The following GABPB1 variants were observed in gnomAD, a reference collection of about 807,000 sequenced individuals.
GABPB1 encodes GA binding protein transcription factor subunit beta 1.
In GABPB1, 15 loss-of-function variants were observed where a neutral mutation model predicts 45.9. The ratio of observed to expected loss-of-function variants is 0.33; its 90% CI spans 0.22 to 0.50. GABPB1 has a LOEUF of 0.50. Among genes scored for constraint, GABPB1 ranks in the 20% least tolerant of loss-of-function variants. The pLI, the probability that GABPB1 is intolerant of heterozygous loss-of-function variation, is 0.98. For synonymous variants in GABPB1, 143 were observed against 154.4 expected (o/e 0.93, Z 0.55); for missense variants, 252 against 457.5 (o/e 0.55, Z 4.10).
At position 50,338,017 on chromosome 15, in the gene GABPB1, A is replaced by T. The variant is rs185631341; in HGVS notation, c.-1+16968T>A. Among the ~76,000 whole-genome samples the T allele has an allele frequency of 5.4e-4, 82 of 152,266 alleles. 1 individual carries two copies. The East Asian group carries it at 0.015, about 28-fold the overall frequency. On this transcript the variant is annotated intron_variant, in intron 1 of 8. Transcript: ENST00000380877. ...ATTCAAAAAAAAATTTAAACTCTAA[A>T]TTATATAGCAAAAGCTTAGTTTTTT... is the stretch of plus-strand genomic sequence containing the variant.
chr15:50,287,634 T>C (rs527760495), intron 7 of GABPB1, among the ~76,000 whole-genome samples: 2 of 152,332 alleles, frequency 1.3e-5, no homozygotes, highest in South Asian at 4.1e-4. Context: ...AACACCTTGA[T>C]CTCGCACTTT....
At chr15:50,338,625 C>T (rs1323838689) in intron 1 of GABPB1, among the ~76,000 whole-genome samples, 2 of 152,068 alleles carry the variant, frequency 1.3e-5, no homozygotes, top group Non-Finnish European at 2.9e-5. Context: ...AGGCAAACAC[C>T]ACCATGCCCA....
intron 1 of GABPB1, among the ~76,000 whole-genome samples, chr15:50,342,084 A>G (rs1323112085): frequency 1.3e-5 from 2 of 152,160 alleles, no homozygotes; most frequent in African/African-American, 2.4e-5. Flanking sequence ...ATCCAGCCTA[A>G]GACGTCTTCC....
intron 2 of GABPB1, 44 bp downstream of exon 2, chr15:50,309,647 A>G: frequency 8.1e-7 from 1 of 1,231,288 alleles, no homozygotes. Flanking sequence ...AAAACTCAAA[A>G]ATGAGAAGGA....
chr15:50,349,722 T>C (rs772416602), intron 1 of GABPB1: 2 of 152,244 alleles, frequency 1.3e-5, no homozygotes, highest in South Asian at 2.1e-4. Flanking sequence ...GTACAATTTC[T>C]ACAAACTTGC....
At chr15:50,334,456 T>C (rs563813479) in intron 1 of GABPB1, among the ~76,000 whole-genome samples, 107 of 152,170 alleles carry the variant, frequency 7.0e-4, no homozygotes, top group Non-Finnish European at 1.1e-3. Flanking sequence ...CTGCTGCAAA[T>C]TGCATCATTA....
At chr15:50,300,519 T>G (rs2046701762) in intron 6 of GABPB1, among the ~76,000 whole-genome samples, 1 of 137,198 alleles carries the variant, frequency 7.3e-6, no homozygotes, top group South Asian at 2.6e-4. Flanking sequence ...CTCAGCTCAC[T>G]GCAGCCTTCA....
At chr15:50,309,614 T>C (rs11636564) in intron 2 of GABPB1, 77 bp downstream of exon 2, 425,228 of 839,410 alleles carry the variant, frequency 0.51, 116,074 homozygotes, top group Middle Eastern at 0.67. Context: ...ATAAACACAA[T>C]ACTGACTACA....
chr15:50,311,957 C>A (rs1466046777), intron 1 of GABPB1, among the ~76,000 whole-genome samples: 1 of 152,094 alleles, frequency 6.6e-6, no homozygotes, highest in Non-Finnish European at 1.5e-5. Context: ...GAGGCTTGCA[C>A]AATAATTAGG....
chr15:50,329,514 TG>T (rs1326360783), intron 1 of GABPB1, among the ~76,000 whole-genome samples: 1 of 152,036 alleles, frequency 6.6e-6, no homozygotes, highest in Admixed American at 6.6e-5. Context: ...TGAATAAAGG[TG>T]GGGGTTTTTT....
At chr15:50,313,057 T>A (rs901631548) in intron 1 of GABPB1, among the ~76,000 whole-genome samples, 1 of 152,142 alleles carries the variant, frequency 6.6e-6, no homozygotes, top group Non-Finnish European at 1.5e-5. Context: ...AACTTCTACA[T>A]ATTAAAATAA....
chr15:50,339,396 G>A (rs1233671274), intron 1 of GABPB1, among the ~76,000 whole-genome samples: 1 of 152,052 alleles, frequency 6.6e-6, no homozygotes, highest in African/African-American at 2.4e-5. Context: ...CTATCTGGTA[G>A]GCTGAGGCGG....
intron 8 of GABPB1, among the ~76,000 whole-genome samples, chr15:50,281,507 G>A (rs368436551): frequency 8.1e-4 from 123 of 152,228 alleles, no homozygotes; most frequent in Middle Eastern, 6.8e-3. Flanking sequence ...CACTGCGCCC[G>A]GCCTAAATGT....
At chr15:50,350,932 C>G (rs1204395402) in intron 1 of GABPB1, 1 of 152,208 alleles carries the variant, frequency 6.6e-6, no homozygotes, top group Non-Finnish European at 1.5e-5. Context: ...AGAAGCTCCT[C>G]TTCTTTAGGT....
chr15:50,290,917 C>T (rs2046323120), intron 6 of GABPB1, among the ~76,000 whole-genome samples: 1 of 152,210 alleles, frequency 6.6e-6, no homozygotes, highest in African/African-American at 2.4e-5. Flanking sequence ...TCCTTTCTCA[C>T]AGGCAATCCT....
intron 1 of GABPB1, among the ~76,000 whole-genome samples, chr15:50,343,175 A>G (rs144679011): frequency 7.9e-5 from 12 of 152,306 alleles, no homozygotes; most frequent in African/African-American, 2.9e-4. Flanking sequence ...CTGGGATTAC[A>G]GGCGTGAGCC....
chr15:50,280,159 G>A (rs1364056484), intron 8 of GABPB1, among the ~76,000 whole-genome samples: 1 of 152,096 alleles, frequency 6.6e-6, no homozygotes, highest in African/African-American at 2.4e-5. Flanking sequence ...AAATGTACAA[G>A]TAGAAGAAAG....
At chr15:50,328,577 T>C (rs1044560075) in intron 1 of GABPB1, among the ~76,000 whole-genome samples, 1 of 152,182 alleles carries the variant, frequency 6.6e-6, no homozygotes, top group African/African-American at 2.4e-5. Flanking sequence ...GCACATCTTT[T>C]TTGGATCACT....
chr15:50,345,470 G>A (rs1170586556), intron 1 of GABPB1, among the ~76,000 whole-genome samples: 1 of 152,104 alleles, frequency 6.6e-6, no homozygotes, highest in Non-Finnish European at 1.5e-5. Flanking sequence ...GGGAAACTGA[G>A]GTAGGAGGAT....
Sources: gnomAD v4.1 joint callset for allele counts (sites outside exome capture counted in the v4.1 genomes callset) on GRCh38, gnomAD v4.1.1 for gene constraint, MANE v1.5 for transcripts, NCBI Gene and HGNC (gene_info 2026-07-23, HGNC 2026-07-21) for gene names.